Variants in SULT1C3 observed in about 807,000 individuals in gnomAD.
SULT1C3 encodes the protein sulfotransferase family 1C member 3.
SULT1C3 carries 31 observed loss-of-function variants against 28.4 expected under a neutral mutation model. The observed-to-expected ratio is 1.09, with a 90% CI of 0.82 to 1.47. SULT1C3 has a LOEUF of 1.47. Among genes scored for constraint, SULT1C3 ranks in the 40% most tolerant of loss-of-function variants. SULT1C3 has a pLI of 0.00. For missense variants in SULT1C3, 307 were observed against 272.5 expected, an observed-to-expected ratio of 1.13 and a Z score of -0.89; for synonymous variants, 106 against 92.2, an observed-to-expected ratio of 1.15 and a Z score of -0.86.
intron 5 of SULT1C3, among the ~76,000 whole-genome samples, chr2:108,258,019 T>C (rs1401692463): frequency 6.6e-6 from 1 of 152,074 alleles, no homozygotes; most frequent in Admixed American, 6.6e-5. Flanking sequence ...CATTTTCCTC[T>C]GGAGAATGTT....
rs1675475093 is a variant in SULT1C3 at position 108,242,117 on chromosome 2, T to C, written c.-8+2034T>C. ...ACAACCTGGGAACATTTAGCAACCC[T>C]GGTATCTAAGTTATATGATTCAGAC... On this transcript the variant is annotated intron_variant, in intron 1 of 7. Transcript: ENST00000681802. Among the ~76,000 whole-genome samples, 3 of 152,284 alleles carry C rather than the reference T, an allele frequency of 2.0e-5. No individual in the cohort carries two copies. In the South Asian group the frequency reaches 6.2e-4, roughly 32 times the overall value.
chr2:108,252,160 TAG>T, intron 2 of SULT1C3, among the ~76,000 whole-genome samples: 1 of 150,400 alleles, frequency 6.6e-6, no homozygotes, highest in Non-Finnish European at 1.5e-5. Context: ...GATAGATAGA[TAG>T]ATAGATAGAT....
intron 1 of SULT1C3, among the ~76,000 whole-genome samples, chr2:108,241,190 C>G (rs184774548): frequency 2.4e-4 from 37 of 152,346 alleles, no homozygotes; most frequent in Non-Finnish European, 4.1e-4. Flanking sequence ...CTGCGTGTCA[C>G]GCTTGATTCC....
chr2:108,253,368 T>C lies in SULT1C3; in HGVS notation c.325T>C (p.Ser109Pro), dbSNP rs146458854. 4,812 of 1,559,836 alleles carry C rather than the reference T, an allele frequency of 3.1e-3. 24 individuals carry two copies. Among genetic ancestry groups the C allele is most frequent in the Non-Finnish European group, 2.8e-3 (3,245 of 1,155,736 alleles). ...AGATTTGGAGTTCGTTCTTGAAATG[T>C]CCTCACCACAACTGATAAAAACACA... is the stretch of plus-strand genomic sequence containing the variant. Reference protein sequence around the residue: ...KPDLEFVLEMSSPQLIKTHLP... With the variant: ...KPDLEFVLEMPSPQLIKTHLP... The change falls in exon 4 of 8, where the codon TCC becomes CCC. Residue 109 changes from serine (S) to proline (P), a missense_variant. Transcript: ENST00000681802.
At chr2:108,263,622 G>A (rs2104395969), downstream of SULT1C3, among the ~76,000 whole-genome samples, 1 of 152,236 alleles carries the variant, frequency 6.6e-6, no homozygotes, top group Non-Finnish European at 1.5e-5. Flanking sequence ...TGTTTCAGGG[G>A]CTTAGAGGCA....
downstream of SULT1C3, among the ~76,000 whole-genome samples, chr2:108,260,919 G>GT (rs1676010177): frequency 6.6e-6 from 1 of 152,100 alleles, no homozygotes; most frequent in Non-Finnish European, 1.5e-5. Context: ...TTGTTTGTTT[G>GT]TTTTTTAAGT....
chr2:108,250,698 A>G (rs1274614695), intron 2 of SULT1C3, among the ~76,000 whole-genome samples: 2 of 152,062 alleles, frequency 1.3e-5, no homozygotes, highest in African/African-American at 4.8e-5. Context: ...GCTTATCCAT[A>G]CAATTGAACT....
chr2:108,262,220 T>A (rs1405732592), downstream of SULT1C3, among the ~76,000 whole-genome samples: 1 of 152,140 alleles, frequency 6.6e-6, no homozygotes, highest in Non-Finnish European at 1.5e-5. Flanking sequence ...TACTGTGCTT[T>A]GTAATTGGAG....
At chr2:108,253,258 C>A in intron 3 of SULT1C3, 87 bp from the exon 4 acceptor site, 2 of 791,900 alleles carry the variant, frequency 2.5e-6, no homozygotes, top group South Asian at 4.3e-5. Flanking sequence ...AAAATATAAT[C>A]ACTCTACAGA....
downstream of SULT1C3, among the ~76,000 whole-genome samples, chr2:108,261,017 C>T (rs1676012779): frequency 6.6e-6 from 1 of 152,002 alleles, no homozygotes; most frequent in Non-Finnish European, 1.5e-5. Flanking sequence ...GTAGATTTCA[C>T]AAGAAAATTA....
chr2:108,241,685 T>C (rs916383551), intron 1 of SULT1C3, among the ~76,000 whole-genome samples: 1 of 152,294 alleles, frequency 6.6e-6, no homozygotes, highest in African/African-American at 2.4e-5. Context: ...CCCAGCACTT[T>C]GGGAGGCCCA....
intron 1 of SULT1C3, among the ~76,000 whole-genome samples, chr2:108,246,378 C>T (rs1331238993): frequency 2.6e-5 from 4 of 152,160 alleles, no homozygotes; most frequent in Middle Eastern, 6.8e-3. Flanking sequence ...TAAAAAATAA[C>T]GAGGTTTAAC....
At chr2:108,243,914 A>G (rs1675524896) in intron 1 of SULT1C3, among the ~76,000 whole-genome samples, 1 of 152,254 alleles carries the variant, frequency 6.6e-6, no homozygotes, top group Admixed American at 6.5e-5. Flanking sequence ...AAAGGCTGAG[A>G]GTAAAGTATA....
At chr2:108,242,777 TGTGGCACCTCCTCTGTTTTTCCCAAGGA>T (rs1191607593) in intron 1 of SULT1C3, among the ~76,000 whole-genome samples, 2 of 152,178 alleles carry the variant, frequency 1.3e-5, no homozygotes, top group Admixed American at 1.3e-4. Flanking sequence ...AAACAGGGTC[TGTGGCACCTCCTCTGTTTTTCCCAAGGA>T]GTCCCATGCT....
chr2:108,263,731 G>C (rs1676072522), downstream of SULT1C3, among the ~76,000 whole-genome samples: 1 of 152,168 alleles, frequency 6.6e-6, no homozygotes, highest in Non-Finnish European at 1.5e-5. Flanking sequence ...GTAGTGCATG[G>C]GCTTTCATGC....
intron 2 of SULT1C3, 70 bp downstream of exon 2, chr2:108,247,436 A>G (rs1275413467): frequency 7.5e-7 from 1 of 1,339,982 alleles, no homozygotes; most frequent in East Asian, 2.5e-5. Context: ...GTATTGATAA[A>G]TGAAGCATGA....
chr2:108,257,552 C>A (rs1166590015), intron 5 of SULT1C3, among the ~76,000 whole-genome samples: 1 of 151,948 alleles, frequency 6.6e-6, no homozygotes, highest in African/African-American at 2.4e-5. Flanking sequence ...CACCCACAAT[C>A]AACCCCAATC....
At position 108,258,956 on chromosome 2, in the gene SULT1C3, C is replaced by G; in HGVS notation, c.622-10C>G. 1.4e-6 allele frequency: 1 copy of G among 728,538 alleles called. No homozygotes were observed. The highest frequency in any genetic ancestry group is 2.3e-6 in the Non-Finnish European group (1 of 425,722). 45.1% of individuals were successfully genotyped at this position (728,538 alleles called of 1,614,324 possible). ...TCCCTCTTCACAATGCCTTTTTCTC[C>G]CATGATCAGAATCCAAAACATGAGA... On this transcript the variant is annotated splice_polypyrimidine_tract_variant and intron_variant, in intron 6 of 7. Transcript: ENST00000681802.
downstream of SULT1C3, among the ~76,000 whole-genome samples, chr2:108,261,514 A>G (rs1347054211): frequency 6.6e-6 from 1 of 152,088 alleles, no homozygotes; most frequent in African/African-American, 2.4e-5. Flanking sequence ...ACCAGTGAAG[A>G]CCTGGTTTTT....
Sources: allele counts gnomAD v4.1 joint callset (sites outside exome capture counted in the v4.1 genomes callset), GRCh38; gene constraint gnomAD v4.1.1; transcripts MANE v1.5; gene names NCBI Gene and HGNC (gene_info 2026-07-23, HGNC 2026-07-21).